The following JAZF1 variants were observed in gnomAD, a reference collection of about 807,000 sequenced individuals.
JAZF1 encodes juxtaposed with another zinc finger protein 1.
Under a neutral mutation model 26.4 loss-of-function variants are expected in JAZF1, and 8 were observed. The observed-to-expected ratio is 0.30, with a 90% CI of 0.18 to 0.55. The LOEUF is 0.55. Ranked by LOEUF, JAZF1 falls within the 20% of genes least tolerant of loss-of-function variation. JAZF1 has a pLI of 0.94. For missense variants in JAZF1, 199 were observed against 322.0 expected, an observed-to-expected ratio of 0.62 and a Z score of 2.92; for synonymous variants, 126 against 122.3, an observed-to-expected ratio of 1.03 and a Z score of -0.20.
chr7:27,841,187 G>A, intron 3 of JAZF1: 1 of 261,070 alleles, frequency 3.8e-6, no homozygotes. Flanking sequence ...ACTTGCTCTG[G>A]GGCCAAAACC....
At chr7:28,055,322 G>A (rs900884867) in intron 1 of JAZF1, among the ~76,000 whole-genome samples, 4 of 151,844 alleles carry the variant, frequency 2.6e-5, no homozygotes, top group African/African-American at 7.3e-5. Context: ...GGCTCTCCAC[G>A]GTTTATCACT....
At chr7:27,976,751 C>G (rs1785481010) in intron 2 of JAZF1, among the ~76,000 whole-genome samples, 1 of 151,766 alleles carries the variant, frequency 6.6e-6, no homozygotes. Context: ...ATGCTTCAGG[C>G]TTGTTTGTAT....
intron 1 of JAZF1, among the ~76,000 whole-genome samples, chr7:28,019,303 A>C (rs1428976528): frequency 6.6e-6 from 1 of 152,140 alleles, no homozygotes; most frequent in Non-Finnish European, 1.5e-5. Flanking sequence ...CAGACCACCT[A>C]AAGAGAGGAT....
At chr7:28,075,240 G>GTAAA (rs1216598417) in intron 1 of JAZF1, among the ~76,000 whole-genome samples, 1 of 152,092 alleles carries the variant, frequency 6.6e-6, no homozygotes, top group Non-Finnish European at 1.5e-5. Context: ...AATGAAGAAT[G>GTAAA]TAAAGTTCTC....
At chr7:28,126,261 G>A (rs1172775485) in intron 1 of JAZF1, among the ~76,000 whole-genome samples, 2 of 152,118 alleles carry the variant, frequency 1.3e-5, no homozygotes, top group African/African-American at 2.4e-5. Flanking sequence ...TATTTGCCAG[G>A]CAATGATCTT....
intron 2 of JAZF1, among the ~76,000 whole-genome samples, chr7:27,990,284 C>T (rs1234867126): frequency 1.5e-4 from 23 of 151,636 alleles, no homozygotes; most frequent in African/African-American, 7.3e-5. Flanking sequence ...GAGCCTGTCG[C>T]GAGGTGGGGG....
chr7:27,848,220 TCTTCTTCAATTTC>T (rs1294912575), intron 3 of JAZF1, among the ~76,000 whole-genome samples: 3 of 152,202 alleles, frequency 2.0e-5, no homozygotes, highest in African/African-American at 7.2e-5. Context: ...TTTATTTGTG[TCTTCTTCAATTTC>T]CTTCATCAAT....
At chr7:27,967,100 A>G (rs1785289140) in intron 2 of JAZF1, among the ~76,000 whole-genome samples, 1 of 152,174 alleles carries the variant, frequency 6.6e-6, no homozygotes, top group Admixed American at 6.5e-5. Context: ...TATTATACAC[A>G]TATGTATCCC....
At chr7:27,968,353 T>C (rs910666934) in intron 2 of JAZF1, among the ~76,000 whole-genome samples, 4 of 152,184 alleles carry the variant, frequency 2.6e-5, no homozygotes, top group African/African-American at 4.8e-5. Flanking sequence ...GTACTTGTCT[T>C]GAAGATGGAA....
At chr7:28,013,168 G>A (rs1037160362) in intron 1 of JAZF1, among the ~76,000 whole-genome samples, 3 of 152,044 alleles carry the variant, frequency 2.0e-5, no homozygotes, top group African/African-American at 7.2e-5. Context: ...GTGCACCCCC[G>A]GTGACTCTCA....
chr7:28,068,566 A>G (rs1783922979), intron 1 of JAZF1, among the ~76,000 whole-genome samples: 3 of 152,214 alleles, frequency 2.0e-5, no homozygotes, highest in Admixed American at 2.0e-4. Context: ...TGACAAATTA[A>G]AATTTTAATC....
chr7:28,036,589 TGGA>T (rs1783298897), intron 1 of JAZF1, among the ~76,000 whole-genome samples: 1 of 152,218 alleles, frequency 6.6e-6, no homozygotes. Context: ...GGGTCATCTC[TGGA>T]GGACATTTGG....
intron 3 of JAZF1, chr7:27,846,598 A>G (rs1031187601): frequency 6.4e-6 from 3 of 468,522 alleles, no homozygotes; most frequent in Non-Finnish European, 1.3e-5. Context: ...GGTTAGCTCT[A>G]TTTTGCTAAC....
chr7:28,073,145 C>T (rs1020196000), intron 1 of JAZF1, among the ~76,000 whole-genome samples: 5 of 152,158 alleles, frequency 3.3e-5, no homozygotes, highest in African/African-American at 7.2e-5. Context: ...TTCCTTCATC[C>T]GAGTTGGAGA....
At chr7:28,015,403 A>T (rs2128371383) in intron 1 of JAZF1, among the ~76,000 whole-genome samples, 1 of 152,190 alleles carries the variant, frequency 6.6e-6, no homozygotes, top group East Asian at 1.9e-4. Context: ...AATTGTAACA[A>T]ATAGACTACA....
intron 1 of JAZF1, among the ~76,000 whole-genome samples, chr7:28,144,433 T>C (rs1244393383): frequency 1.3e-5 from 2 of 152,224 alleles, no homozygotes; most frequent in Admixed American, 6.5e-5. Context: ...CAGTCATCAA[T>C]TTCCAAGGTC....
At chr7:27,916,183 A>T (rs1459155057) in intron 2 of JAZF1, among the ~76,000 whole-genome samples, 3 of 152,152 alleles carry the variant, frequency 2.0e-5, no homozygotes, top group African/African-American at 7.2e-5. Context: ...AAATACCACA[A>T]GGACATTAGT....
At chr7:27,835,481 C>T (rs1368236285) in intron 4 of JAZF1, among the ~76,000 whole-genome samples, 1 of 152,172 alleles carries the variant, frequency 6.6e-6, no homozygotes, top group Non-Finnish European at 1.5e-5. Flanking sequence ...GTGAAGAAAA[C>T]AGCCAACACC....
chr7:27,974,249 C>T lies in JAZF1; in HGVS notation c.188+17660G>A, dbSNP rs191380584. On this transcript the variant is annotated intron_variant, in intron 2 of 4. Coordinates refer to ENST00000283928, the MANE Select transcript of JAZF1 (RefSeq NM_175061.4). ...CATGGGACTAGGGTCCTCTCCACAT[C>T]GGTTAACAGCCAAGGTCAAGGCACG... 1.2e-3 allele frequency among the ~76,000 whole-genome samples: 190 copies of T among 152,152 alleles called. 1 individual carries two copies. Among genetic ancestry groups the T allele is most frequent in the Middle Eastern group, 6.8e-3 (2 of 294 alleles).
Sources: allele counts gnomAD v4.1 joint callset (sites outside exome capture counted in the v4.1 genomes callset), GRCh38; gene constraint gnomAD v4.1.1; transcripts MANE v1.5; gene names NCBI Gene and HGNC (gene_info 2026-07-23, HGNC 2026-07-21).